TNFRSF21: variants seen among roughly 807,000 people sequenced by gnomAD.
The protein encoded by TNFRSF21 is tumor necrosis factor receptor superfamily member 21.
In TNFRSF21, 19 loss-of-function variants were observed where a neutral mutation model predicts 45.6. The observed-to-expected ratio is 0.42, with a 90% CI of 0.29 to 0.61. The LOEUF is 0.61. Among genes scored for constraint, TNFRSF21 ranks in the 20% least tolerant of loss-of-function variants. The pLI is 0.23. For missense variants in TNFRSF21, 737 were observed against 851.5 expected (o/e 0.87, Z 1.67); for synonymous variants, 314 against 335.5 (o/e 0.94, Z 0.70).
intron 3 of TNFRSF21, among the ~76,000 whole-genome samples, chr6:47,264,926 G>T (rs1185593622): frequency 1.3e-5 from 2 of 152,202 alleles, no homozygotes; most frequent in East Asian, 3.9e-4. Flanking sequence ...CTTCAGCCTG[G>T]CTTCCTGGTG....
Position 47,290,191 on chromosome 6 carries a change from A to G in TNFRSF21, c.97-3596T>C, listed in dbSNP as rs373966505. Among the ~76,000 whole-genome samples, 19 of 152,304 alleles carry G rather than the reference A, an allele frequency of 1.2e-4. 1 individual carries two copies. The South Asian group carries it at 3.1e-3, about 25-fold the overall frequency. On this transcript the variant is annotated intron_variant, in intron 1 of 5. Transcript: ENST00000296861. ...TTAGTAACCCAAGTGGCAGGTTGTT[A>G]CACTTCAATTAAGAAAGAAGAGAAC...
chr6:47,296,193 C>T (rs180881653), intron 1 of TNFRSF21, among the ~76,000 whole-genome samples: 1 of 152,302 alleles, frequency 6.6e-6, no homozygotes, highest in African/African-American at 2.4e-5. Context: ...AGGAATGTTA[C>T]TCTGTGCTCA....
At chr6:47,256,953 A>G (rs1019013973) in intron 3 of TNFRSF21, among the ~76,000 whole-genome samples, 3 of 152,182 alleles carry the variant, frequency 2.0e-5, no homozygotes, top group Non-Finnish European at 4.4e-5. Flanking sequence ...TGTCATGTCC[A>G]TTTCCTCATG....
intron 1 of TNFRSF21, among the ~76,000 whole-genome samples, chr6:47,295,027 A>T (rs1294684770): frequency 6.6e-6 from 1 of 152,224 alleles, no homozygotes; most frequent in Non-Finnish European, 1.5e-5. Flanking sequence ...ACTGTACAGG[A>T]TTTATAAGCA....
At chr6:47,281,831 A>ATT (rs35146692) in intron 3 of TNFRSF21, among the ~76,000 whole-genome samples, 10 of 147,970 alleles carry the variant, frequency 6.8e-5, no homozygotes, top group Non-Finnish European at 1.2e-4. Flanking sequence ...AAATAAAAAG[A>ATT]TTTTTTTTTT....
At chr6:47,247,663 C>T (rs1764841702) in intron 4 of TNFRSF21, among the ~76,000 whole-genome samples, 1 of 152,120 alleles carries the variant, frequency 6.6e-6, no homozygotes, top group Admixed American at 6.5e-5. Context: ...GCTGCTCTCA[C>T]CAAAATAGAA....
intron 3 of TNFRSF21, among the ~76,000 whole-genome samples, chr6:47,272,024 T>C (rs1185856087): frequency 6.6e-6 from 1 of 152,116 alleles, no homozygotes; most frequent in African/African-American, 2.4e-5. Flanking sequence ...AGCAAGTCCT[T>C]AGAGACATAC....
intron 1 of TNFRSF21, among the ~76,000 whole-genome samples, chr6:47,308,370 G>A (rs1433941789): frequency 1.3e-5 from 2 of 152,162 alleles, no homozygotes; most frequent in Non-Finnish European, 2.9e-5. Context: ...ACAAGCTCTT[G>A]TTTCTTGGGG....
At chr6:47,269,095 A>T (rs541312946) in intron 3 of TNFRSF21, among the ~76,000 whole-genome samples, 1 of 152,208 alleles carries the variant, frequency 6.6e-6, no homozygotes, top group African/African-American at 2.4e-5. Context: ...TGGCCATGTG[A>T]CTTTGGGCAA....
At chr6:47,282,390 A>T in intron 3 of TNFRSF21, among the ~76,000 whole-genome samples, 1 of 133,146 alleles carries the variant, frequency 7.5e-6, no homozygotes, top group East Asian at 1.9e-4. Context: ...GTCTCAAAAA[A>T]AAAATAAAAA....
chr6:47,291,614 G>C (rs1393700490), intron 1 of TNFRSF21, among the ~76,000 whole-genome samples: 3 of 152,222 alleles, frequency 2.0e-5, no homozygotes, highest in African/African-American at 7.2e-5. Context: ...ACAGCTCTCA[G>C]GATGCTCCTT....
At chr6:47,292,377 T>TA (rs567647688) in intron 1 of TNFRSF21, among the ~76,000 whole-genome samples, 3,510 of 146,886 alleles carry the variant, frequency 0.024, 128 homozygotes, top group African/African-American at 0.079. Context: ...TGGGAAGCTT[T>TA]AAAAAAAAAA....
At chr6:47,283,842 T>C in intron 3 of TNFRSF21, 96 bp downstream of exon 3, 1 of 1,489,516 alleles carries the variant, frequency 6.7e-7, no homozygotes, top group African/African-American at 1.4e-5. Context: ...CAAAGGAGAT[T>C]CCACAAACTA....
chr6:47,269,518 A>G (rs1345797390), intron 3 of TNFRSF21, among the ~76,000 whole-genome samples: 1 of 152,206 alleles, frequency 6.6e-6, no homozygotes, highest in East Asian at 1.9e-4. Context: ...AACTTATCCC[A>G]AACTTCCCTC....
intron 4 of TNFRSF21, among the ~76,000 whole-genome samples, chr6:47,238,043 CTG>C (rs1764684885): frequency 1.3e-5 from 2 of 151,994 alleles, no homozygotes; most frequent in African/African-American, 2.4e-5. Flanking sequence ...GAGTGAGACT[CTG>C]TCTCAAAAAA....
At chr6:47,236,425 C>T (rs2281455) in intron 4 of TNFRSF21, among the ~76,000 whole-genome samples, 58,737 of 152,106 alleles carry the variant, frequency 0.39, 12,226 homozygotes, top group East Asian at 0.57. Context: ...TCAACGAAGA[C>T]ATTGATATTT....
At chr6:47,239,285 CAAAAAAA>C (rs548172761) in intron 4 of TNFRSF21, among the ~76,000 whole-genome samples, 2,873 of 57,398 alleles carry the variant, frequency 0.05, 104 homozygotes, top group African/African-American at 0.15. Flanking sequence ...GACTCCATCT[CAAAAAAA>C]AAAAAAAAAA....
At chr6:47,292,495 T>G (rs1156771799) in intron 1 of TNFRSF21, among the ~76,000 whole-genome samples, 1 of 152,190 alleles carries the variant, frequency 6.6e-6, no homozygotes, top group Non-Finnish European at 1.5e-5. Flanking sequence ...TCCAAGTGAT[T>G]CTGATGCCCA....
Position 47,232,810 on chromosome 6 carries a change from C to G in TNFRSF21, c.1923G>C (p.Gln641His). The stretch of plus-strand genomic sequence containing the variant: ...GGCTATAAACAGAGTCCAGGAGGGT[C>G]TGGCTGGCTTCCTGGCTCTTGACTC... Reference protein sequence around the residue: ...IIGVKSQEASQTLLDSVYSHL... With the variant: ...IIGVKSQEASHTLLDSVYSHL... The change falls in exon 6 of 6, where the codon CAG becomes CAC. Residue 641 changes from glutamine (Q) to histidine (H), a missense_variant. Physicochemically the swap from Gln to His is conservative, Grantham distance 24. Coordinates refer to ENST00000296861, the MANE Select transcript of TNFRSF21 (RefSeq NM_014452.5). The G allele has an allele frequency of 6.2e-7, 1 of 1,614,200 alleles. No homozygotes were observed. The highest frequency in any genetic ancestry group is 8.5e-7 in the Non-Finnish European group (1 of 1,180,044).
Sources: gnomAD v4.1 joint callset for allele counts (sites outside exome capture counted in the v4.1 genomes callset) on GRCh38, gnomAD v4.1.1 for gene constraint, MANE v1.5 for transcripts, NCBI Gene and HGNC (gene_info 2026-07-23, HGNC 2026-07-21) for gene names.